PDZD2: variants seen among roughly 807,000 people sequenced by gnomAD.
PDZD2 encodes PDZ domain containing 2.
A neutral mutation model predicts 220.7 loss-of-function variants in PDZD2; 90 were observed. That is an observed-to-expected ratio of 0.41 (90% confidence interval 0.34 to 0.49). The LOEUF is 0.49. Among genes scored for constraint, PDZD2 ranks in the 20% least tolerant of loss-of-function variants. PDZD2 has a pLI of 0.28. For synonymous variants in PDZD2, 1,375 were observed against 1,450.5 expected (o/e 0.95, Z 1.18); for missense variants, 3,174 against 3,608.5 (o/e 0.88, Z 3.08).
chr5:31,661,753 AAGAT>A (rs1399163725), intron 1 of PDZD2, among the ~76,000 whole-genome samples: 18 of 151,938 alleles, frequency 1.2e-4, no homozygotes, highest in Non-Finnish European at 1.5e-5. Context: ...CCCAAGGCTA[AAGAT>A]AGATAGAAAT....
At position 32,087,300 on chromosome 5, in the gene PDZD2, C is replaced by T. The variant is rs970978868; in HGVS notation, c.3852C>T (p.Leu1284=). The T allele has an allele frequency of 1.2e-6, 2 of 1,613,868 alleles. No individual in the cohort carries two copies. Among genetic ancestry groups the T allele is most frequent in the Admixed American group, 1.7e-5 (1 of 60,006 alleles). Residue 1284 remains leucine (L), a synonymous_variant, in exon 20 of 25, where the codon CTC becomes CTT. Coordinates refer to ENST00000438447, the MANE Select transcript of PDZD2 (RefSeq NM_178140.4). This position sits in a 1 kb window ranked among gnomAD's most constrained non-coding sequence, Gnocchi z 4.0. The part of the protein sequence containing the change: ...TKCKARSPVR[L]PHEGSPSPGE... ...GCAAGGCCAGGTCTCCAGTCAGGCTCCCCCATGAGGGCAGCCCCTCCCCGG... is the reference window on the plus strand; with the variant it reads ...GCAAGGCCAGGTCTCCAGTCAGGCTTCCCCATGAGGGCAGCCCCTCCCCGG...
intron 1 of PDZD2, among the ~76,000 whole-genome samples, chr5:31,770,709 C>T (rs1451016258): frequency 7.3e-6 from 1 of 136,076 alleles, no homozygotes; most frequent in African/African-American, 2.7e-5. Flanking sequence ...TGGAAACCAG[C>T]GGCTGGGAGA....
intron 2 of PDZD2, among the ~76,000 whole-genome samples, chr5:31,817,573 AC>A (rs1299045807): frequency 6.6e-6 from 1 of 152,216 alleles, no homozygotes; most frequent in Non-Finnish European, 1.5e-5. Flanking sequence ...AAAATGTTAA[AC>A]CAAGTTTTTG....
At chr5:31,842,004 C>T (rs911542523) in intron 2 of PDZD2, among the ~76,000 whole-genome samples, 2 of 151,834 alleles carry the variant, frequency 1.3e-5, no homozygotes, top group African/African-American at 4.8e-5. Context: ...ACTCCTAAGG[C>T]GATGAAAGAT....
At chr5:32,014,498 C>T (rs1163416597) in intron 6 of PDZD2, among the ~76,000 whole-genome samples, 2 of 152,076 alleles carry the variant, frequency 1.3e-5, no homozygotes, top group African/African-American at 2.4e-5. Context: ...TGTCAGTCAT[C>T]TCAGTGGGGT....
intron 6 of PDZD2, among the ~76,000 whole-genome samples, chr5:32,028,636 C>A (rs1239102532): frequency 2.0e-5 from 3 of 149,972 alleles, no homozygotes; most frequent in Non-Finnish European, 4.4e-5. Flanking sequence ...CCTTTGATCT[C>A]TCCTATTTCT....
chr5:31,725,480 T>C, intron 1 of PDZD2: 1 of 1,226,700 alleles, frequency 8.2e-7, no homozygotes, highest in Non-Finnish European at 1.1e-6. Flanking sequence ...TAAATAAAAC[T>C]ATGAGTAAAT....
intron 2 of PDZD2, among the ~76,000 whole-genome samples, chr5:31,836,223 A>G (rs1302007772): frequency 2.1e-5 from 2 of 95,774 alleles, no homozygotes; most frequent in Non-Finnish European, 4.4e-5. Context: ...TAGTAATTTT[A>G]TTGGCTTTTT....
At chr5:31,724,608 A>G (rs1400855380) in intron 1 of PDZD2, among the ~76,000 whole-genome samples, 2 of 151,386 alleles carry the variant, frequency 1.3e-5, no homozygotes, top group African/African-American at 4.8e-5. Flanking sequence ...GTCTCAAAAA[A>G]AAAAAAAAAA....
intron 2 of PDZD2, among the ~76,000 whole-genome samples, chr5:31,891,634 G>A (rs1741052143): frequency 1.5e-5 from 2 of 130,766 alleles, no homozygotes; most frequent in African/African-American, 5.3e-5. Context: ...ATTTCTAAGG[G>A]CACTGGAGAA....
chr5:31,689,669 C>A (rs950423823), intron 1 of PDZD2, among the ~76,000 whole-genome samples: 1 of 151,982 alleles, frequency 6.6e-6, no homozygotes, highest in Non-Finnish European at 1.5e-5. Context: ...TCCTTAGAGT[C>A]CTGGGTGGAG....
intron 3 of PDZD2, among the ~76,000 whole-genome samples, chr5:31,989,421 C>CTTTTTTTTTTTTTTT (rs869045113): frequency 1.7e-5 from 2 of 119,904 alleles, no homozygotes; most frequent in East Asian, 2.6e-4. Context: ...ATTTTCTTTT[C>CTTTTTTTTTTTTTTT]TTTTTTTTTT....
intron 6 of PDZD2, among the ~76,000 whole-genome samples, chr5:32,021,881 C>G (rs561827279): frequency 2.6e-5 from 4 of 152,306 alleles, no homozygotes; most frequent in Admixed American, 6.5e-5. Flanking sequence ...ACTTACCCCT[C>G]CTCTTTAGCT....
At chr5:31,698,942 A>G (rs1747494422) in intron 1 of PDZD2, among the ~76,000 whole-genome samples, 2 of 152,110 alleles carry the variant, frequency 1.3e-5, no homozygotes, top group African/African-American at 4.8e-5. Flanking sequence ...GTCTTTGCCT[A>G]GAGTATTTTC....
chr5:31,719,617 A>G (rs189833291), intron 1 of PDZD2, among the ~76,000 whole-genome samples: 91 of 152,372 alleles, frequency 6.0e-4, no homozygotes, highest in African/African-American at 2.1e-3. Context: ...GAGAATCATT[A>G]AGGGAAGCAA....
At chr5:31,958,172 G>A (rs955993088) in intron 2 of PDZD2, among the ~76,000 whole-genome samples, 17 of 151,986 alleles carry the variant, frequency 1.1e-4, no homozygotes, top group African/African-American at 3.4e-4. Context: ...CTCATCTTTG[G>A]TCTTACGTAT....
chr5:32,101,064 C>G (rs760433278), intron 23 of PDZD2, 41 bp from the exon 24 acceptor site: 1 of 1,612,730 alleles, frequency 6.2e-7, no homozygotes, highest in Admixed American at 1.7e-5. Flanking sequence ...GCATGATGAA[C>G]AACCCTGTCA....
In PDZD2 at chr5:31,799,474, G is replaced by T. The variant is rs1754257434; in HGVS notation, c.226G>T (p.Glu76Ter). Residue 76 changes from glutamate (E) to a stop codon, truncating the protein, a stop_gained, in exon 2 of 25, where the codon GAG (glutamate) becomes TAG (stop). Coordinates refer to ENST00000438447, the MANE Select transcript of PDZD2 (RefSeq NM_178140.4). LOFTEE classifies it high-confidence loss of function. ...GATCTGTACTGTGTACCTCACCAAG[G>T]AGCTGGGGGACACAGAGACTGTGGG... ...MEICTVYLTK[E>*]LGDTETVGLS... 2 of 1,614,160 alleles carry T rather than the reference G, an allele frequency of 1.2e-6. No individual in the cohort carries two copies. Among genetic ancestry groups the T allele is most frequent in the Non-Finnish European group, 1.7e-6 (2 of 1,180,008 alleles).
intron 1 of PDZD2, among the ~76,000 whole-genome samples, chr5:31,745,355 GTTTAT>G (rs1750534368): frequency 6.6e-6 from 1 of 152,118 alleles, no homozygotes; most frequent in Non-Finnish European, 1.5e-5. Flanking sequence ...TTTTAGTTCC[GTTTAT>G]TTTGTACATT....
Sources: gnomAD v4.1 joint callset for allele counts (sites outside exome capture counted in the v4.1 genomes callset) on GRCh38, gnomAD v4.1.1 for gene constraint, Gnocchi (gnomAD v3.1) non-coding constraint, MANE v1.5 for transcripts, NCBI Gene and HGNC (gene_info 2026-07-23, HGNC 2026-07-21) for gene names.